ZNF385D: variants seen among roughly 807,000 people sequenced by gnomAD.
The protein encoded by ZNF385D is zinc finger protein 385D, also known as zinc finger protein 659.
Under a neutral mutation model 35.8 loss-of-function variants are expected in ZNF385D, and 15 were observed. The ratio of observed to expected loss-of-function variants is 0.42; its 90% CI spans 0.28 to 0.64. The LOEUF is 0.64. Ranked by LOEUF, ZNF385D falls within the 30% of genes least tolerant of loss-of-function variation. The pLI, the probability that ZNF385D is intolerant of heterozygous loss-of-function variation, is 0.23. For synonymous variants in ZNF385D, 212 were observed against 186.8 expected, an observed-to-expected ratio of 1.13 and a Z score of -1.10; for missense variants, 474 against 494.6, an observed-to-expected ratio of 0.96 and a Z score of 0.39.
chr3:21,729,059 G>T (rs1415501340), intron 1 of ZNF385D, among the ~76,000 whole-genome samples: 1 of 152,018 alleles, frequency 6.6e-6, no homozygotes, highest in Non-Finnish European at 1.5e-5. Context: ...CTTAACTATT[G>T]TTCTGTAATG....
upstream of ZNF385D, among the ~76,000 whole-genome samples, chr3:21,753,104 C>T (rs1007821763): frequency 8.5e-5 from 13 of 152,166 alleles, no homozygotes; most frequent in African/African-American, 2.9e-4. Flanking sequence ...ATTTGCATGA[C>T]ATTTTACAGT....
intron 3 of ZNF385D, among the ~76,000 whole-genome samples, chr3:22,153,127 C>G (rs1227572249): frequency 6.6e-6 from 1 of 152,166 alleles, no homozygotes; most frequent in South Asian, 2.1e-4. Flanking sequence ...GGCTCCCTTC[C>G]TGACCTCTGC....
intron 2 of ZNF385D, among the ~76,000 whole-genome samples, chr3:22,262,388 G>A (rs977383083): frequency 1.6e-4 from 25 of 152,122 alleles, no homozygotes; most frequent in Admixed American, 1.4e-3. Flanking sequence ...TTTGGAGGAA[G>A]TTGATGAGAT....
chr3:21,709,728 A>G (rs942573211), intron 1 of ZNF385D, among the ~76,000 whole-genome samples: 6 of 152,226 alleles, frequency 3.9e-5, no homozygotes, highest in Non-Finnish European at 8.8e-5. Flanking sequence ...GTAAAAGTAA[A>G]TTCAATAGTT....
rs569738459 is a variant in ZNF385D at position 21,716,428 on chromosome 3, C to G, written c.22+34467G>C. ...ATTCTCATCTCCTGAAGCACATCTCCTATAACTCTGTGCTCCTCTCATGTC... is the reference window on the plus strand; with the variant it reads ...ATTCTCATCTCCTGAAGCACATCTCGTATAACTCTGTGCTCCTCTCATGTC... On this transcript the variant is annotated intron_variant, in intron 1 of 7. Coordinates refer to ENST00000281523, the MANE Select transcript of ZNF385D (RefSeq NM_024697.3). 2.6e-5 allele frequency among the ~76,000 whole-genome samples: 4 copies of G among 152,276 alleles called. No homozygotes were observed. In the East Asian group the frequency reaches 7.7e-4, roughly 29 times the overall value.
chr3:21,716,172 C>G (rs972892955), intron 1 of ZNF385D, among the ~76,000 whole-genome samples: 1 of 152,062 alleles, frequency 6.6e-6, no homozygotes, highest in African/African-American at 2.4e-5. Context: ...ACCATCAAGC[C>G]TCATCTGAAA....
At chr3:22,228,678 G>GT (rs1698708135) in intron 2 of ZNF385D, among the ~76,000 whole-genome samples, 1 of 152,160 alleles carries the variant, frequency 6.6e-6, no homozygotes, top group Admixed American at 6.5e-5. Flanking sequence ...CTGTGAGGGT[G>GT]TTGTCAAAGG....
At chr3:22,322,376 G>A (rs559165121) in intron 2 of ZNF385D, among the ~76,000 whole-genome samples, 2 of 152,150 alleles carry the variant, frequency 1.3e-5, no homozygotes, top group Non-Finnish European at 2.9e-5. Flanking sequence ...ATATTCTATT[G>A]TAATATTTTT....
intron 2 of ZNF385D, among the ~76,000 whole-genome samples, chr3:22,189,688 C>T (rs1695886051): frequency 6.6e-6 from 1 of 152,166 alleles, no homozygotes. Flanking sequence ...TTCCTGCTCA[C>T]CACCAAAAAT....
chr3:22,111,229 A>G (rs1361699218), intron 3 of ZNF385D, among the ~76,000 whole-genome samples: 1 of 135,002 alleles, frequency 7.4e-6, no homozygotes, highest in African/African-American at 2.8e-5. Flanking sequence ...TTTGGAAAGC[A>G]TCTATAAACT....
chr3:22,082,823 AG>A (rs760402728), intron 3 of ZNF385D, among the ~76,000 whole-genome samples: 1 of 152,102 alleles, frequency 6.6e-6, no homozygotes, highest in Non-Finnish European at 1.5e-5. Flanking sequence ...CACCTCATAC[AG>A]CAAGATGCCC....
chr3:22,371,118 T>G (rs943209600), intron 2 of ZNF385D, among the ~76,000 whole-genome samples: 9 of 152,194 alleles, frequency 5.9e-5, no homozygotes, highest in Non-Finnish European at 8.8e-5. Context: ...ATCTACATAA[T>G]TTGAAATGAC....
chr3:21,845,855 G>T (rs144204103), intron 3 of ZNF385D, among the ~76,000 whole-genome samples: 1 of 151,924 alleles, frequency 6.6e-6, no homozygotes, highest in Non-Finnish European at 1.5e-5. Context: ...AAGAAAATAC[G>T]CCTGAATATG....
At chr3:21,574,499 A>G (rs1019941656) in intron 2 of ZNF385D, among the ~76,000 whole-genome samples, 7 of 152,180 alleles carry the variant, frequency 4.6e-5, no homozygotes, top group African/African-American at 1.7e-4. Flanking sequence ...TTAGGAGACA[A>G]TTGAAGGAAA....
At chr3:22,312,738 A>G (rs1703639275) in intron 2 of ZNF385D, among the ~76,000 whole-genome samples, 1 of 150,152 alleles carries the variant, frequency 6.7e-6, no homozygotes. Context: ...CAATCATTAA[A>G]AAGTCAGGAA....
chr3:21,652,098 C>T (rs977795286), intron 2 of ZNF385D, among the ~76,000 whole-genome samples: 4 of 152,074 alleles, frequency 2.6e-5, no homozygotes, highest in East Asian at 1.9e-4. Context: ...AATGTATAAA[C>T]GTTTAAAGTA....
At chr3:21,534,872 G>A (rs1416804272) in intron 3 of ZNF385D, among the ~76,000 whole-genome samples, 1 of 151,986 alleles carries the variant, frequency 6.6e-6, no homozygotes, top group Non-Finnish European at 1.5e-5. Flanking sequence ...TCCTTATAGG[G>A]GTTATTGGAA....
intron 2 of ZNF385D, among the ~76,000 whole-genome samples, chr3:22,261,402 G>T (rs1415001293): frequency 6.6e-6 from 1 of 151,970 alleles, no homozygotes; most frequent in East Asian, 1.9e-4. Flanking sequence ...GAATTAGCTT[G>T]GTAAGGCTAG....
chr3:21,872,603 C>A (rs953004641), intron 3 of ZNF385D, among the ~76,000 whole-genome samples: 4 of 151,964 alleles, frequency 2.6e-5, no homozygotes, highest in African/African-American at 9.7e-5. Flanking sequence ...CAATGGTTAC[C>A]ATTAGGTCAG....
Sources: gnomAD v4.1 joint callset for allele counts (sites outside exome capture counted in the v4.1 genomes callset) on GRCh38, gnomAD v4.1.1 for gene constraint, MANE v1.5 for transcripts, NCBI Gene and HGNC (gene_info 2026-07-23, HGNC 2026-07-21) for gene names.